Variants in PGM3 observed in about 807,000 individuals in gnomAD.
The protein encoded by PGM3 is phosphoacetylglucosamine mutase.
In PGM3, 40 loss-of-function variants were observed where a neutral mutation model predicts 66.2. That is an observed-to-expected ratio of 0.60 (90% confidence interval 0.47 to 0.79). The LOEUF (loss-of-function observed/expected upper bound fraction) is 0.79. Ranked by LOEUF, PGM3 falls within the 30% of genes least tolerant of loss-of-function variation. The probability of loss-of-function intolerance (pLI) is 0.00; values close to 1 mark genes in which losing one functional copy is unlikely to be tolerated. For synonymous variants in PGM3, 191 were observed against 224.2 expected (o/e 0.85, Z 1.32); for missense variants, 537 against 643.4 (o/e 0.83, Z 1.79).
chr6:83,175,812 A>G (rs184539138), intron 9 of PGM3, 150 bp downstream of exon 9: 1 of 550,238 alleles, frequency 1.8e-6, no homozygotes, highest in Admixed American at 3.1e-5. Context: ...GTTTCATAAT[A>G]CATCAATATA....
chr6:83,184,201 A>C (rs1028429776), intron 4 of PGM3, among the ~76,000 whole-genome samples: 1 of 152,244 alleles, frequency 6.6e-6, no homozygotes, highest in Non-Finnish European at 1.5e-5. Context: ...AAGCACCATG[A>C]GCAAAAAACA....
intron 6 of PGM3, among the ~76,000 whole-genome samples, chr6:83,180,500 T>G (rs768350644): frequency 6.6e-6 from 1 of 152,168 alleles, no homozygotes; most frequent in Non-Finnish European, 1.5e-5. Flanking sequence ...CACATCAAAT[T>G]TATTAGAAAA....
intron 4 of PGM3, among the ~76,000 whole-genome samples, chr6:83,185,787 A>G (rs1366046319): frequency 6.6e-6 from 1 of 152,062 alleles, no homozygotes; most frequent in African/African-American, 2.4e-5. Flanking sequence ...AAGTAAATAA[A>G]TAAATAAATA....
the PGM3 span, among the ~76,000 whole-genome samples, chr6:83,150,659 A>T: frequency 6.6e-6 from 1 of 152,054 alleles, no homozygotes; most frequent in Non-Finnish European, 1.5e-5. Context: ...TGTGCATATA[A>T]TTTATCTTTT....
downstream of PGM3, chr6:83,157,073 A>C: frequency 2.8e-6 from 3 of 1,074,032 alleles, no homozygotes; most frequent in Non-Finnish European, 3.9e-6. Context: ...GAATTTTTTT[A>C]AAGTTTATCC....
At chr6:83,193,111 C>G (rs1789289452) in intron 1 of PGM3, 68 bp downstream of exon 1, 1 of 151,996 alleles carries the variant, frequency 6.6e-6, no homozygotes. Context: ...TGACCTGTCC[C>G]GCTCCCACCG....
chr6:83,160,382 A>C (rs1783950898), downstream of PGM3, among the ~76,000 whole-genome samples: 1 of 152,232 alleles, frequency 6.6e-6, no homozygotes, highest in Non-Finnish European at 1.5e-5. Flanking sequence ...AGGCAGCTGC[A>C]GACATGATAC....
At chr6:83,157,414 G>T, downstream of PGM3, 1 of 1,306,714 alleles carries the variant, frequency 7.7e-7, no homozygotes, top group Non-Finnish European at 1.1e-6. Context: ...TATTGGGAGA[G>T]AACTGAGCTG....
chr6:83,188,750 G>A lies in PGM3; in HGVS notation c.253C>T (p.Pro85Ser). 1 of 1,614,056 alleles carries A rather than the reference G, an allele frequency of 6.2e-7. No individual in the cohort carries two copies. Among genetic ancestry groups the A allele is most frequent in the East Asian group, 2.2e-5 (1 of 44,858 alleles). The part of the protein sequence containing the change: ...LVDPLGEMLA[P>S]SWEEHATCLA... ...CAGGTGGCATGTTCCTCCCAGGATG[G>A]TGCCAACATTTCACCCAAAGGATCA... Residue 85 changes from proline to serine, a missense_variant, in exon 3 of 13, where the codon CCA becomes TCA. Physicochemically the swap from Pro to Ser is moderately conservative, Grantham distance 74 (BLOSUM62 -1). Coordinates refer to ENST00000513973, the MANE Select transcript of PGM3 (RefSeq NM_015599.3).
downstream of PGM3, among the ~76,000 whole-genome samples, chr6:83,157,014 ATT>A (rs1415022853): frequency 1.1e-4 from 16 of 152,172 alleles, no homozygotes; most frequent in South Asian, 1.9e-3. Context: ...TCTTTGTTTA[ATT>A]GGAGTTCTCT....
intron 8 of PGM3, 67 bp from the exon 9 acceptor site, chr6:83,176,127 T>C: frequency 1.1e-6 from 1 of 870,680 alleles, no homozygotes; most frequent in East Asian, 2.4e-5. Context: ...GCATACCTAG[T>C]ATCCCAGAGA....
intron 8 of PGM3, 32 bp from the exon 9 acceptor site, chr6:83,176,092 A>G (rs760656008): frequency 1.5e-5 from 17 of 1,163,214 alleles, no homozygotes; most frequent in Non-Finnish European, 2.2e-5. Context: ...AAATACAGCA[A>G]TTACTCAGAT....
intron 10 of PGM3, among the ~76,000 whole-genome samples, chr6:83,173,805 T>C (rs929034650): frequency 5.3e-5 from 8 of 152,252 alleles, no homozygotes; most frequent in South Asian, 2.1e-4. Context: ...GGCGTGATCT[T>C]GGCTCACTGC....
At chr6:83,162,714 TA>T (rs914980971), downstream of PGM3, 7 of 1,480,814 alleles carry the variant, frequency 4.7e-6, no homozygotes, top group African/African-American at 1.4e-5. Context: ...ATGATCTTTC[TA>T]CTACATTATG....
downstream of PGM3, among the ~76,000 whole-genome samples, chr6:83,161,639 G>T (rs902682626): frequency 6.6e-6 from 1 of 152,088 alleles, no homozygotes; most frequent in South Asian, 2.1e-4. Context: ...CTGAGTTTCC[G>T]ATTAAAATTA....
chr6:83,152,275 C>T, the PGM3 span: 1 of 1,501,150 alleles, frequency 6.7e-7, no homozygotes, highest in Non-Finnish European at 9.1e-7. Flanking sequence ...CTTTAATTTT[C>T]TCTTATTTAT....
intron 3 of PGM3, 54 bp downstream of exon 3, chr6:83,188,560 G>A (rs530382939): frequency 7.1e-5 from 97 of 1,364,362 alleles, no homozygotes; most frequent in South Asian, 5.4e-4. Context: ...TGATACAATC[G>A]TTTATATCAC....
chr6:83,177,926 C>A (rs1787900381), intron 8 of PGM3, among the ~76,000 whole-genome samples: 1 of 152,122 alleles, frequency 6.6e-6, no homozygotes, highest in Non-Finnish European at 1.5e-5. Context: ...ACTGACCACC[C>A]CCCACACACC....
intron 8 of PGM3, among the ~76,000 whole-genome samples, chr6:83,177,307 T>C (rs1395208870): frequency 1.3e-5 from 2 of 152,140 alleles, no homozygotes; most frequent in Non-Finnish European, 2.9e-5. Context: ...TGAGAAAGTA[T>C]AGGCAAACAG....
Sources: allele counts gnomAD v4.1 joint callset (sites outside exome capture counted in the v4.1 genomes callset), GRCh38; gene constraint gnomAD v4.1.1; transcripts MANE v1.5; gene names NCBI Gene and HGNC (gene_info 2026-07-23, HGNC 2026-07-21).